The following NDOR1 variants were observed in gnomAD, a reference collection of about 807,000 sequenced individuals.
NDOR1 encodes NADPH dependent diflavin oxidoreductase 1.
A neutral mutation model predicts 67.2 loss-of-function variants in NDOR1; 61 were observed. The ratio of observed to expected loss-of-function variants is 0.91; its 90% confidence interval spans 0.74 to 1.12. The LOEUF is 1.12. Among genes scored for constraint, NDOR1 ranks in the 50% most tolerant of loss-of-function variants. The pLI is 0.00. For synonymous variants in NDOR1, 378 were observed against 343.7 expected, an observed-to-expected ratio of 1.10 and a Z score of -1.10; for missense variants, 878 against 802.8, an observed-to-expected ratio of 1.09 and a Z score of -1.13.
In NDOR1 at chr9:137,218,714, G is replaced by A. The variant is rs1186159194; in HGVS notation, c.*2298G>A. ...GACCAGGCTGGAAAAACCCAAGGTT[G>A]GGTCCAGGGCAGTGGCCTTCAATCA... is the stretch of plus-strand genomic sequence containing the variant. On this transcript the variant is annotated 3_prime_UTR_variant, in exon 14 of 14. Transcript: ENST00000684003. The A allele has an allele frequency of 1.0e-5, 4 of 397,556 alleles. No individual in the cohort carries two copies. The highest frequency in any genetic ancestry group is 8.2e-5 in the African/African-American group (4 of 48,632). 24.6% of individuals were successfully genotyped at this position (397,556 alleles called of 1,614,324 possible).
Position 137,213,978 on chromosome 9 carries a change from C to G in NDOR1, c.422C>G (p.Ala141Gly). 6.4e-7 allele frequency: 1 copy of G among 1,558,348 alleles called. No individual in the cohort carries two copies. Among genetic ancestry groups the G allele is most frequent in the Non-Finnish European group, 8.7e-7 (1 of 1,152,534 alleles). Residue 141 changes from alanine (A) to glycine (G), a missense_variant, in exon 5 of 14, where the codon GCT becomes GGT. By Grantham distance (60) the Ala-to-Gly change is moderately conservative (BLOSUM62 0). Transcript: ENST00000684003. Reference protein sequence around the residue: ...DDQHELGPDAAVDPWLRDLWD... With the variant: ...DDQHELGPDAGVDPWLRDLWD... Reference sequence around the variant, plus strand: ...GTGCTCCCTCCCAGGCCCGACGCTGCTGTGGACCCCTGGCTGCGAGACTTG... The same window carrying G: ...GTGCTCCCTCCCAGGCCCGACGCTGGTGTGGACCCCTGGCTGCGAGACTTG...
intron 9 of NDOR1, 87 bp from the exon 10 acceptor site, chr9:137,215,320 C>T (rs906247671): frequency 5.5e-5 from 85 of 1,541,368 alleles, no homozygotes; most frequent in Middle Eastern, 1.7e-4. Flanking sequence ...AGTCGGACTG[C>T]CTCTGCGGGA....
At chr9:137,213,240 G>A (rs137998198) in intron 3 of NDOR1, among the ~76,000 whole-genome samples, 185 of 152,330 alleles carry the variant, frequency 1.2e-3, no homozygotes, top group African/African-American at 4.1e-3. Context: ...TGTTTCCTGC[G>A]TGACGTTGTT....
chr9:137,216,163 C>T lies in NDOR1; in HGVS notation c.1624C>T (p.Gln542Ter). The change falls in exon 13 of 14, where the codon CAG becomes TAG. Residue 542 changes from glutamine (Q) to a stop codon, truncating the protein, a stop_gained. Transcript: ENST00000684003. LOFTEE classifies it high-confidence loss of function. ...GSLVWELLDR[Q>*]GAYFYLAGNA... Reference sequence around the variant, plus strand: ...GCTTGTGTGGGAACTGCTGGACCGCCAGGGTGCATACTTCTACCTGGCAGG... The same window carrying T: ...GCTTGTGTGGGAACTGCTGGACCGCTAGGGTGCATACTTCTACCTGGCAGG... 1 of 1,613,556 alleles carries T rather than the reference C, an allele frequency of 6.2e-7. No individual in the cohort carries two copies. Among genetic ancestry groups the T allele is most frequent in the Non-Finnish European group, 8.5e-7 (1 of 1,180,022 alleles).
chr9:137,215,155 A>G lies in NDOR1; in HGVS notation c.1126A>G (p.Ile376Val). 1 of 1,613,460 alleles carries G rather than the reference A, an allele frequency of 6.2e-7. No homozygotes were observed. The highest frequency in any genetic ancestry group is 1.1e-5 in the South Asian group (1 of 91,000). The change falls in exon 9 of 14, where the codon ATC (isoleucine) becomes GTC (valine). Residue 376 changes from isoleucine (I) to valine (V), a missense_variant. Physicochemically the swap from Ile to Val is conservative, Grantham distance 29 (BLOSUM62 3). Coordinates refer to ENST00000684003, the MANE Select transcript of NDOR1 (RefSeq NM_014434.4). ...AIPPDYLLDL[I>V]PVIRPRAFSI... ...CCCTCCCGACTACCTGTTGGACCTC[A>G]TCCCCGTTATCCGGCCGAGGGCCTT...
intron 2 of NDOR1, among the ~76,000 whole-genome samples, chr9:137,211,073 G>A (rs757551329): frequency 2.6e-5 from 4 of 152,186 alleles, no homozygotes; most frequent in Non-Finnish European, 4.4e-5. Flanking sequence ...CCTGGGAGGC[G>A]GAGGTTGCGG....
chr9:137,214,039 GGGCCTCACTGAGATCCCTCCC>G lies in NDOR1; in HGVS notation c.486_506del (p.Leu163_Gly169del). 2 of 1,544,692 alleles carry G rather than the reference GGGCCTCACTGAGATCCCTCCC, an allele frequency of 1.3e-6. No homozygotes were observed. The highest frequency in any genetic ancestry group is 2.4e-5 in the South Asian group (2 of 84,380). ...TTCTGGGGCTGTACCCGCCGCCTCC[GGGCCTCACTGAGATCCCTCCC>G]GGAGTCCCGTGAGTGTGGGCCCCGG... On this transcript the variant is annotated inframe_deletion, in exon 5 of 14. Coordinates refer to ENST00000684003, the MANE Select transcript of NDOR1 (RefSeq NM_014434.4).
rs1002735139 is a variant in NDOR1 at position 137,212,406 on chromosome 9, C to T, written c.214-96C>T. 13 of 1,073,342 alleles carry T rather than the reference C, an allele frequency of 1.2e-5. No homozygotes were observed. The highest frequency in any genetic ancestry group is 2.4e-5 in the East Asian group (1 of 42,104). The allele number at this position is 1,073,342 out of a possible 1,614,324, so 66.5% of individuals were successfully genotyped here. A position where few individuals can be genotyped will look rare whatever the true frequency, so the allele number is the denominator to read the frequency against. ...CAGTTGTATTCTGCCCCCATCCTAC[C>T]CACCTGCCTGTTCCCCTGAGACCCT... On this transcript the variant is annotated intron_variant, in intron 2 of 13. Coordinates refer to ENST00000684003, the MANE Select transcript of NDOR1 (RefSeq NM_014434.4). This position sits in a 1 kb window ranked among gnomAD's most constrained non-coding sequence, Gnocchi z 4.3.
At position 137,214,050 on chromosome 9, in the gene NDOR1, A is replaced by C; in HGVS notation, c.494A>C (p.Glu165Ala). Residue 165 changes from glutamate to alanine, a missense_variant, in exon 5 of 14, where the codon GAG (glutamate) becomes GCG (alanine). Physicochemically the swap from Glu to Ala is moderately radical, Grantham distance 107. Transcript: ENST00000684003. Reference protein sequence around the residue: ...GLYPPPPGLTEIPPGVPLPSK... With the variant: ...GLYPPPPGLTAIPPGVPLPSK... Reference sequence around the variant, plus strand: ...TACCCGCCGCCTCCGGGCCTCACTGAGATCCCTCCCGGAGTCCCGTGAGTG... The same window carrying C: ...TACCCGCCGCCTCCGGGCCTCACTGCGATCCCTCCCGGAGTCCCGTGAGTG... 4 of 1,543,320 alleles carry C rather than the reference A, an allele frequency of 2.6e-6. No individual in the cohort carries two copies. Among genetic ancestry groups the C allele is most frequent in the Non-Finnish European group, 3.5e-6 (4 of 1,147,658 alleles).
Position 137,205,747 on chromosome 9 carries a change from A to C in NDOR1, c.-31A>C. 6.2e-7 allele frequency: 1 copy of C among 1,600,058 alleles called. No homozygotes were observed. The highest frequency in any genetic ancestry group is 8.5e-7 in the Non-Finnish European group (1 of 1,179,344). On this transcript the variant is annotated 5_prime_UTR_variant, in exon 1 of 14. Coordinates refer to ENST00000684003, the MANE Select transcript of NDOR1 (RefSeq NM_014434.4). ...CGGCGGGAACTGCCTTCTAGTTTTTAGTCTCAGACCAGACCACCGGGCGCA... is the reference window on the plus strand; with the variant it reads ...CGGCGGGAACTGCCTTCTAGTTTTTCGTCTCAGACCAGACCACCGGGCGCA...
intron 2 of NDOR1, among the ~76,000 whole-genome samples, chr9:137,207,911 G>A (rs1422492109): frequency 1.3e-5 from 2 of 152,140 alleles, no homozygotes; most frequent in Non-Finnish European, 2.9e-5. Flanking sequence ...TTGGGAGGCC[G>A]AGGCGGGCGA....
At chr9:137,214,729 TC>T in intron 7 of NDOR1, 38 bp downstream of exon 7, 1 of 1,597,378 alleles carries the variant, frequency 6.3e-7, no homozygotes, top group Non-Finnish European at 8.5e-7. Flanking sequence ...CTCTGCCCTC[TC>T]CCGTGCCCTG....
Position 137,206,275 on chromosome 9 carries a change from C to G in NDOR1, c.179C>G (p.Thr60Ser), listed in dbSNP as rs1292851718. ...NEPLVIFVCA[T>S]TGQGDPPDNM... ...CCCCTGGTGATATTTGTTTGTGCAA[C>G]TACAGGCCAAGGAGACCCCCCTGAC... Residue 60 changes from threonine to serine, a missense_variant, in exon 2 of 14, where the codon ACT (threonine) becomes AGT (serine). Transcript: ENST00000684003. The G allele has an allele frequency of 6.2e-7, 1 of 1,614,006 alleles. No homozygotes were observed. The highest frequency in any genetic ancestry group is 2.2e-5 in the East Asian group (1 of 44,884).
At position 137,214,639 on chromosome 9, in the gene NDOR1, G is replaced by C; in HGVS notation, c.792G>C (p.Gln264His). The C allele has an allele frequency of 6.2e-7, 1 of 1,608,980 alleles. No homozygotes were observed. The highest frequency in any genetic ancestry group is 8.5e-7 in the Non-Finnish European group (1 of 1,179,938). Residue 264 changes from glutamine to histidine, a missense_variant, in exon 7 of 14, where the codon CAG becomes CAC. Physicochemically the swap from Gln to His is conservative, Grantham distance 24 (BLOSUM62 0). Transcript: ENST00000684003. ...NSAAHVQRFC[Q>H]VLGLDPDQLF... is the part of the protein sequence containing the mutation. Reference sequence around the variant, plus strand: ...CTGCCCATGTCCAGCGGTTCTGCCAGGTGCTGGGCCTGGACCCTGACCAGC... The same window carrying C: ...CTGCCCATGTCCAGCGGTTCTGCCACGTGCTGGGCCTGGACCCTGACCAGC...
At chr9:137,207,022 AG>A (rs1338659284) in intron 2 of NDOR1, among the ~76,000 whole-genome samples, 1 of 152,044 alleles carries the variant, frequency 6.6e-6, no homozygotes, top group African/African-American at 2.4e-5. Context: ...CTGGGGCAAG[AG>A]GGGAGGAGAA....
chr9:137,214,648 C>G lies in NDOR1; in HGVS notation c.801C>G (p.Gly267=), dbSNP rs1249465250. The G allele has an allele frequency of 7.5e-6, 12 of 1,607,788 alleles. No homozygotes were observed. Among genetic ancestry groups the G allele is most frequent in the Non-Finnish European group, 1.0e-5 (12 of 1,179,938 alleles). ...AHVQRFCQVL[G]LDPDQLFMLQ... The stretch of plus-strand genomic sequence containing the variant: ...TCCAGCGGTTCTGCCAGGTGCTGGG[C>G]CTGGACCCTGACCAGCTCTTCATGC... Residue 267 remains glycine (G), a synonymous_variant, in exon 7 of 14, where the codon GGC becomes GGG. Transcript: ENST00000684003.
Position 137,205,719 on chromosome 9 carries a change from G to A in NDOR1, c.-59G>A, listed in dbSNP as rs538262694. 244 of 1,596,378 alleles carry A rather than the reference G, an allele frequency of 1.5e-4. No individual in the cohort carries two copies. Among genetic ancestry groups the A allele is most frequent in the South Asian group, 7.4e-4 (67 of 90,968 alleles). ...GAAGGCGGAGCGGTCCCTGCAACCC[G>A]GCCGGCGGGAACTGCCTTCTAGTTT... On this transcript the variant is annotated 5_prime_UTR_variant, in exon 1 of 14. Coordinates refer to ENST00000684003, the MANE Select transcript of NDOR1 (RefSeq NM_014434.4).
At chr9:137,211,684 C>T (rs1835265392) in intron 2 of NDOR1, among the ~76,000 whole-genome samples, 2 of 152,042 alleles carry the variant, frequency 1.3e-5, no homozygotes. Flanking sequence ...AGAGAGGCAG[C>T]TGATGAGGCA....
rs375895015 is a variant in NDOR1, at chr9:137,214,142, C to T, written c.513-62C>T. 1.7e-4 allele frequency: 256 copies of T among 1,542,568 alleles called. 2 individuals carry two copies. In the African/African-American group the frequency reaches 3.1e-3, roughly 18 times the overall value. ...CCTGGGGACCTCGCCCTGGGTCCCTCCCGTGTGGGTGGGCGGCCCCTGGGG... is the reference window on the plus strand; with the variant it reads ...CCTGGGGACCTCGCCCTGGGTCCCTTCCGTGTGGGTGGGCGGCCCCTGGGG... On this transcript the variant is annotated intron_variant, in intron 5 of 13. Coordinates refer to ENST00000684003, the MANE Select transcript of NDOR1 (RefSeq NM_014434.4).
Sources: allele counts gnomAD v4.1 joint callset (sites outside exome capture counted in the v4.1 genomes callset), GRCh38; gene constraint gnomAD v4.1.1; non-coding constraint Gnocchi (gnomAD v3.1); transcripts MANE v1.5; gene names NCBI Gene and HGNC (gene_info 2026-07-23, HGNC 2026-07-21).